Variants in CA10 observed in about 807,000 individuals in gnomAD.
CA10 encodes the protein carbonic anhydrase 10 (inactive).
A neutral mutation model predicts 44.2 loss-of-function variants in CA10; 14 were observed. The ratio of observed to expected loss-of-function variants is 0.32; its 90% CI spans 0.21 to 0.50. The LOEUF is 0.50. CA10 is among the 20% of genes least tolerant of loss of function. CA10 has a pLI of 0.99. For synonymous variants in CA10, 159 were observed against 141.6 expected, an observed-to-expected ratio of 1.12 and a Z score of -0.87; for missense variants, 350 against 409.7, an observed-to-expected ratio of 0.85 and a Z score of 1.26.
At chr17:51,858,222 C>T (rs564635083) in intron 3 of CA10, among the ~76,000 whole-genome samples, 113 of 152,082 alleles carry the variant, frequency 7.4e-4, no homozygotes, top group Non-Finnish European at 1.3e-3. Context: ...TAAAGAAAAC[C>T]ATATGTTCCA....
chr17:51,698,545 T>C (rs1272917339), intron 4 of CA10, among the ~76,000 whole-genome samples: 1 of 152,266 alleles, frequency 6.6e-6, no homozygotes, highest in African/African-American at 2.4e-5. Flanking sequence ...TCACCTCACA[T>C]AGTTACCTTT....
At chr17:51,970,588 T>A (rs943319673) in intron 2 of CA10, among the ~76,000 whole-genome samples, 1 of 152,116 alleles carries the variant, frequency 6.6e-6, no homozygotes, top group Non-Finnish European at 1.5e-5. Flanking sequence ...AATGACTATT[T>A]GGCTTATTCA....
intron 3 of CA10, among the ~76,000 whole-genome samples, chr17:51,849,585 T>C (rs1978698924): frequency 6.6e-6 from 1 of 152,120 alleles, no homozygotes; most frequent in African/African-American, 2.4e-5. Flanking sequence ...TCTGCAACTA[T>C]TTCCTTTAAT....
intron 3 of CA10, among the ~76,000 whole-genome samples, chr17:51,836,102 A>G (rs1187508150): frequency 1.3e-5 from 2 of 152,214 alleles, no homozygotes; most frequent in Non-Finnish European, 2.9e-5. Context: ...GCCATCATCA[A>G]TATACCTGTC....
At chr17:51,684,400 T>G (rs1382054992) in intron 4 of CA10, among the ~76,000 whole-genome samples, 1 of 152,224 alleles carries the variant, frequency 6.6e-6, no homozygotes, top group Admixed American at 6.5e-5. Context: ...AGGAAACCAG[T>G]GCACCCCCAC....
chr17:51,754,986 TTA>T (rs1459855826), intron 3 of CA10, among the ~76,000 whole-genome samples: 2 of 151,966 alleles, frequency 1.3e-5, no homozygotes, highest in Non-Finnish European at 2.9e-5. Context: ...CATATGTATA[TTA>T]TATATGATAC....
chr17:51,829,522 A>C (rs942133172), intron 3 of CA10, among the ~76,000 whole-genome samples: 6 of 152,192 alleles, frequency 3.9e-5, no homozygotes, highest in Admixed American at 1.3e-4. Flanking sequence ...TAGGAAAAGG[A>C]GTCATGAGGG....
chr17:51,791,439 G>A (rs1360638621), intron 3 of CA10, among the ~76,000 whole-genome samples: 2 of 152,226 alleles, frequency 1.3e-5, no homozygotes, highest in Non-Finnish European at 2.9e-5. Flanking sequence ...CACAGTGGGT[G>A]TTCAACTAAT....
chr17:52,020,275 A>G (rs1447736959), intron 2 of CA10, among the ~76,000 whole-genome samples: 3 of 152,024 alleles, frequency 2.0e-5, no homozygotes, highest in Non-Finnish European at 4.4e-5. Context: ...AGAAGCTTCA[A>G]ATCCAATGAT....
chr17:51,726,724 A>G (rs1916536678), intron 4 of CA10, among the ~76,000 whole-genome samples: 1 of 152,226 alleles, frequency 6.6e-6, no homozygotes, highest in Admixed American at 6.5e-5. Context: ...CACAGAGCAT[A>G]TTCTATATAT....
intron 6 of CA10, among the ~76,000 whole-genome samples, chr17:51,640,670 G>A (rs1428335428): frequency 6.6e-6 from 1 of 152,152 alleles, no homozygotes; most frequent in African/African-American, 2.4e-5. Flanking sequence ...CAGAAGCAGA[G>A]GGACCCAAGA....
intron 3 of CA10, among the ~76,000 whole-genome samples, chr17:51,758,577 C>G (rs2143631820): frequency 2.0e-5 from 3 of 152,292 alleles, no homozygotes; most frequent in Middle Eastern, 3.4e-3. Flanking sequence ...GGCTGCCCAG[C>G]CTCTGACCAG....
chr17:51,638,396 T>A (rs1190562268), intron 6 of CA10, among the ~76,000 whole-genome samples: 1 of 152,164 alleles, frequency 6.6e-6, no homozygotes, highest in Non-Finnish European at 1.5e-5. Context: ...CATTTAAATG[T>A]TTCTACCTTT....
At chr17:51,910,613 A>G (rs1981752644) in intron 3 of CA10, among the ~76,000 whole-genome samples, 1 of 152,186 alleles carries the variant, frequency 6.6e-6, no homozygotes, top group African/African-American at 2.4e-5. Flanking sequence ...TACAAGTGAA[A>G]ATTTGGTTCT....
chr17:52,080,194 A>T (rs1359080188), intron 1 of CA10, among the ~76,000 whole-genome samples: 2 of 152,148 alleles, frequency 1.3e-5, no homozygotes, highest in East Asian at 1.9e-4. Context: ...GGCTCACGCC[A>T]CTAATCCCAG....
intron 3 of CA10, among the ~76,000 whole-genome samples, chr17:51,771,374 C>T (rs1311656457): frequency 6.6e-6 from 1 of 152,104 alleles, no homozygotes; most frequent in Non-Finnish European, 1.5e-5. Context: ...GGATGATTGA[C>T]CTGTCCAAAA....
At chr17:51,992,662 T>C (rs1165805003) in intron 2 of CA10, among the ~76,000 whole-genome samples, 1 of 152,124 alleles carries the variant, frequency 6.6e-6, no homozygotes, top group Non-Finnish European at 1.5e-5. Context: ...ACAATCTCTT[T>C]ATTCTTTCAA....
chr17:51,986,741 G>A (rs1173316155), intron 2 of CA10, among the ~76,000 whole-genome samples: 4 of 151,610 alleles, frequency 2.6e-5, no homozygotes, highest in African/African-American at 7.2e-5. Context: ...ACAAATGGCC[G>A]ACAAACATGA....
At chr17:51,958,481 T>C (rs1252239353) in intron 2 of CA10, among the ~76,000 whole-genome samples, 1 of 152,052 alleles carries the variant, frequency 6.6e-6, no homozygotes, top group Non-Finnish European at 1.5e-5. Context: ...TTTATTAAAG[T>C]AAATAAATAG....
Sources: allele counts gnomAD v4.1 joint callset (sites outside exome capture counted in the v4.1 genomes callset), GRCh38; gene constraint gnomAD v4.1.1; transcripts MANE v1.5; gene names NCBI Gene and HGNC (gene_info 2026-07-23, HGNC 2026-07-21).